Variants in MYO3A observed in about 807,000 individuals in gnomAD.
MYO3A encodes myosin-IIIa.
A neutral mutation model predicts 192.7 loss-of-function variants in MYO3A; 180 were observed. The ratio of observed to expected loss-of-function variants is 0.93; its 90% CI spans 0.83 to 1.06. MYO3A has a LOEUF of 1.06. MYO3A is among the 50% of genes least tolerant of loss of function. The pLI is 0.00. For synonymous variants in MYO3A, 628 were observed against 645.3 expected (o/e 0.97, Z 0.41); for missense variants, 1,896 against 1,905.0 (o/e 1.00, Z 0.09).
chr10:26,187,613 G>A (rs1842926680), intron 31 of MYO3A, among the ~76,000 whole-genome samples: 1 of 150,540 alleles, frequency 6.6e-6, no homozygotes, highest in African/African-American at 2.4e-5. Context: ...TTAACATTAG[G>A]TATATCTCCT....
chr10:26,161,958 A>G (rs889815130), intron 26 of MYO3A, among the ~76,000 whole-genome samples: 3 of 152,208 alleles, frequency 2.0e-5, no homozygotes, highest in African/African-American at 7.2e-5. Flanking sequence ...TTGAACTAAA[A>G]ATGAGTTCAA....
chr10:26,202,026 TAAG>T (rs1471844675), intron 33 of MYO3A, among the ~76,000 whole-genome samples: 4 of 152,222 alleles, frequency 2.6e-5, no homozygotes, highest in Admixed American at 2.6e-4. Context: ...ATAGATTTGT[TAAG>T]AAGATAAGGT....
intron 17 of MYO3A, among the ~76,000 whole-genome samples, chr10:26,117,330 CTG>C (rs755087233): frequency 1.3e-5 from 2 of 152,054 alleles, no homozygotes; most frequent in Admixed American, 6.6e-5. Context: ...TTTAAAAAAA[CTG>C]TTATTTAAGT....
In MYO3A at chr10:26,143,550, C is replaced by G; in HGVS notation, c.2365C>G (p.Leu789Val). ...GCAAAAGCCAATGGGTTTACTTTCC[C>G]TACTTGATGAAGAAAGTAGATTTCC... is the stretch of plus-strand genomic sequence containing the variant. ...FLQKPMGLLS[L>V]LDEESRFPKA... Residue 789 changes from leucine (L) to valine (V), a missense_variant, in exon 21 of 35, where the codon CTA (leucine) becomes GTA (valine). By Grantham distance (32) the Leu-to-Val change is conservative. Transcript: ENST00000642920. The G allele has an allele frequency of 1.2e-6, 2 of 1,614,036 alleles. No individual in the cohort carries two copies. The highest frequency in any genetic ancestry group is 1.1e-5 in the South Asian group (1 of 91,080).
rs1842546663 is a variant in MYO3A, at chr10:26,026,410, A to T, written c.831A>T (p.Thr277=). ...CTAAAGATTATGAAAAGCGTCCAAC[A>T]GTGTCAGAACTTTTACAGCATAAAT... is the stretch of plus-strand genomic sequence containing the variant. ...CLTKDYEKRP[T]VSELLQHKFI... Residue 277 remains threonine (T), a synonymous_variant, in exon 10 of 35, where the codon ACA becomes ACT. Coordinates refer to ENST00000642920, the MANE Select transcript of MYO3A (RefSeq NM_017433.5). The T allele has an allele frequency of 1.2e-6, 2 of 1,614,154 alleles. No homozygotes were observed. Among genetic ancestry groups the T allele is most frequent in the Non-Finnish European group, 1.7e-6 (2 of 1,180,002 alleles).
At chr10:26,140,687 A>C (rs1164252716) in intron 20 of MYO3A, among the ~76,000 whole-genome samples, 1 of 150,626 alleles carries the variant, frequency 6.6e-6, no homozygotes, top group Non-Finnish European at 1.5e-5. Context: ...TCTGTCTCAA[A>C]AAAAAAAAAA....
chr10:26,154,736 GTC>G lies in MYO3A; in HGVS notation c.2716-7_2716-6del, dbSNP rs1324253875. On this transcript the variant is annotated splice_region_variant and splice_polypyrimidine_tract_variant and intron_variant, in intron 24 of 34. Coordinates refer to ENST00000642920, the MANE Select transcript of MYO3A (RefSeq NM_017433.5). Reference sequence around the variant, plus strand: ...TACCAAGGCATCACTGTCTTCCTTGGTCTCCTTAGGGCGACACTGGAGAAGCC... The same window carrying G: ...TACCAAGGCATCACTGTCTTCCTTGGTCCTTAGGGCGACACTGGAGAAGCC... 6.2e-7 allele frequency: 1 copy of G among 1,612,706 alleles called. No homozygotes were observed. Among genetic ancestry groups the G allele is most frequent in the Non-Finnish European group, 8.5e-7 (1 of 1,178,964 alleles).
At chr10:26,054,052 C>T (rs1033484935) in intron 10 of MYO3A, among the ~76,000 whole-genome samples, 5 of 151,804 alleles carry the variant, frequency 3.3e-5, no homozygotes, top group East Asian at 1.9e-4. Flanking sequence ...AGAAAGCTAG[C>T]GAGGAGTAAT....
chr10:25,997,230 G>T lies in MYO3A; in HGVS notation c.480G>T (p.Thr160=), dbSNP rs12257119. 86,621 of 1,612,676 alleles carry T rather than the reference G, an allele frequency of 0.054. 3,761 individuals carry two copies. The highest frequency in any genetic ancestry group is 0.22 in the African/African-American group (16,373 of 74,874). ...AAGGCAATAACATTCTATTGACCACGGAAGGTGGAGTGAAACTAGTAGATT... is the reference window on the plus strand; with the variant it reads ...AAGGCAATAACATTCTATTGACCACTGAAGGTGGAGTGAAACTAGTAGATT... ...DVKGNNILLT[T]EGGVKLVDFG... is the part of the protein sequence containing the mutation. Residue 160 remains threonine (T), a synonymous_variant, in exon 6 of 35, where the codon ACG becomes ACT. Transcript: ENST00000642920.
intron 17 of MYO3A, among the ~76,000 whole-genome samples, chr10:26,116,568 A>C (rs1314570804): frequency 6.6e-6 from 1 of 152,202 alleles, no homozygotes; most frequent in African/African-American, 2.4e-5. Flanking sequence ...AACCCACAAC[A>C]GATGCTACAG....
intron 4 of MYO3A, among the ~76,000 whole-genome samples, chr10:25,982,931 C>T (rs564270751): frequency 1.9e-4 from 29 of 152,108 alleles, no homozygotes; most frequent in Admixed American, 1.8e-3. Flanking sequence ...AGCAATGAAC[C>T]CAAACCAAGA....
chr10:26,136,576 A>G (rs1213855734), intron 20 of MYO3A, among the ~76,000 whole-genome samples: 1 of 152,246 alleles, frequency 6.6e-6, no homozygotes, highest in Non-Finnish European at 1.5e-5. Context: ...GTGTTCTCCT[A>G]TAGTAAAATG....
intron 10 of MYO3A, among the ~76,000 whole-genome samples, chr10:26,029,870 G>T (rs1842728470): frequency 6.6e-6 from 1 of 151,938 alleles, no homozygotes; most frequent in Admixed American, 6.6e-5. Context: ...TGAGTGGGAG[G>T]TTTTTTATTT....
Position 26,125,416 on chromosome 10 carries a change from T to A in MYO3A, c.1922T>A (p.Ile641Asn). 1 of 1,614,056 alleles carries A rather than the reference T, an allele frequency of 6.2e-7. No homozygotes were observed. Among genetic ancestry groups the A allele is most frequent in the Non-Finnish European group, 8.5e-7 (1 of 1,179,918 alleles). The change falls in exon 19 of 35, where the codon ATT becomes AAT. Residue 641 changes from isoleucine (I) to asparagine (N), a missense_variant. Coordinates refer to ENST00000642920, the MANE Select transcript of MYO3A (RefSeq NM_017433.5). ...TTTTCAGGTGCTTCTTTGCTTTGCA[T>A]TCGGGCAGATGAGCTACAAGAAGCT... ...ALENCASLLCIRADELQEALT... is the reference protein window; with the variant it reads ...ALENCASLLCNRADELQEALT...
chr10:25,957,864 AT>A (rs1837658455), intron 4 of MYO3A, among the ~76,000 whole-genome samples: 1 of 152,062 alleles, frequency 6.6e-6, no homozygotes. Flanking sequence ...CTTTTTTCAT[AT>A]GCTATTGGCT....
chr10:26,188,644 A>C (rs1396745390), intron 31 of MYO3A, among the ~76,000 whole-genome samples: 1 of 152,204 alleles, frequency 6.6e-6, no homozygotes, highest in Admixed American at 6.5e-5. Context: ...TCTCTAATCC[A>C]TCTTGAATTA....
chr10:26,140,686 A>G (rs1840107890), intron 20 of MYO3A, among the ~76,000 whole-genome samples: 1 of 147,216 alleles, frequency 6.8e-6, no homozygotes, highest in African/African-American at 2.5e-5. Flanking sequence ...CTCTGTCTCA[A>G]AAAAAAAAAA....
At position 26,174,062 on chromosome 10, in the gene MYO3A, G is replaced by A. The variant is rs1041479149; in HGVS notation, c.3798G>A (p.Arg1266=). The change falls in exon 30 of 35, where the codon AGG becomes AGA. Residue 1266 remains arginine (R), a synonymous_variant. Transcript: ENST00000642920. ...AYLERKAISE[R]PSYPVPWLAE... ...TAGAAAGGAAGGCCATATCAGAAAG[G>A]CCAAGCTACCCAGTGCCTTGGTTAG... The A allele has an allele frequency of 1.9e-6, 3 of 1,614,008 alleles. No homozygotes were observed. The highest frequency in any genetic ancestry group is 2.5e-6 in the Non-Finnish European group (3 of 1,180,042).
At chr10:26,113,557 ACTT>A (rs1838326082) in intron 17 of MYO3A, among the ~76,000 whole-genome samples, 1 of 152,188 alleles carries the variant, frequency 6.6e-6, no homozygotes, top group African/African-American at 2.4e-5. Flanking sequence ...GTTTGTAATA[ACTT>A]AAAAATAACA....
Sources: allele counts gnomAD v4.1 joint callset (sites outside exome capture counted in the v4.1 genomes callset), GRCh38; gene constraint gnomAD v4.1.1; transcripts MANE v1.5; gene names NCBI Gene and HGNC (gene_info 2026-07-23, HGNC 2026-07-21).